The following TES variants were observed in gnomAD, a reference collection of about 807,000 sequenced individuals.
The protein encoded by TES is testin LIM domain protein, also known as testin.
Under a neutral mutation model 48.2 loss-of-function variants are expected in TES, and 41 were observed. That is an observed-to-expected ratio of 0.85 (90% CI 0.66 to 1.10). The LOEUF is 1.10. TES is among the 50% of genes least tolerant of loss of function. The pLI, the probability that TES is intolerant of heterozygous loss-of-function variation, is 0.00. For synonymous variants in TES, 162 were observed against 174.9 expected, an observed-to-expected ratio of 0.93 and a Z score of 0.58; for missense variants, 463 against 515.1, an observed-to-expected ratio of 0.90 and a Z score of 0.98.
chr7:116,248,733 G>C (rs1290472687), intron 2 of TES, among the ~76,000 whole-genome samples: 2 of 152,064 alleles, frequency 1.3e-5, no homozygotes, highest in Non-Finnish European at 2.9e-5. Context: ...TAGGTTGTCT[G>C]TTTGTCCTGT....
intron 1 of TES, among the ~76,000 whole-genome samples, chr7:116,215,302 A>G (rs1799481757): frequency 6.6e-6 from 1 of 152,182 alleles, no homozygotes; most frequent in South Asian, 2.1e-4. Flanking sequence ...TAAAAAGAGA[A>G]ATAAAATAAG....
chr7:116,229,677 G>T (rs142986498), intron 1 of TES, among the ~76,000 whole-genome samples: 1 of 152,252 alleles, frequency 6.6e-6, no homozygotes, highest in Non-Finnish European at 1.5e-5. Flanking sequence ...ACTTATGAAG[G>T]GGAGAATAGC....
Position 116,240,408 on chromosome 7 carries a change from CT to C in TES, c.113+5793del, listed in dbSNP as rs1263545431. The stretch of plus-strand genomic sequence containing the variant: ...ATATGTTTATTTGTCTGAGGCAATA[CT>C]TTTGGTAGTTTTGTTCTTGCATTCG... On this transcript the variant is annotated intron_variant, in intron 2 of 6. Coordinates refer to ENST00000358204, the MANE Select transcript of TES (RefSeq NM_015641.4). Among the ~76,000 whole-genome samples, 4 of 152,028 alleles carry C rather than the reference CT, an allele frequency of 2.6e-5. No homozygotes were observed. The East Asian group carries it at 7.7e-4, about 29-fold the overall frequency.
chr7:116,228,384 G>A (rs982514164), intron 1 of TES, among the ~76,000 whole-genome samples: 2 of 152,068 alleles, frequency 1.3e-5, no homozygotes, highest in African/African-American at 4.8e-5. Context: ...TTTCTTGGAC[G>A]CTGAAGAAGA....
At chr7:116,245,312 C>T (rs1799907549) in intron 2 of TES, among the ~76,000 whole-genome samples, 1 of 152,156 alleles carries the variant, frequency 6.6e-6, no homozygotes, top group African/African-American at 2.4e-5. Context: ...CAACCTAAAT[C>T]ATCTCTCTCA....
At chr7:116,224,212 A>C (rs1040731597) in intron 1 of TES, among the ~76,000 whole-genome samples, 4 of 152,162 alleles carry the variant, frequency 2.6e-5, no homozygotes, top group Non-Finnish European at 4.4e-5. Flanking sequence ...GCAAACTTGT[A>C]AGAGACCGTA....
chr7:116,213,678 G>C (rs953967403), intron 1 of TES, among the ~76,000 whole-genome samples: 5 of 152,204 alleles, frequency 3.3e-5, no homozygotes, highest in Non-Finnish European at 7.3e-5. Context: ...TGAAGAAAGC[G>C]AGCTGTTGCT....
chr7:116,236,540 T>A (rs536084961), intron 2 of TES, among the ~76,000 whole-genome samples: 3 of 152,276 alleles, frequency 2.0e-5, no homozygotes, highest in South Asian at 4.1e-4. Context: ...TTAAAAAAAA[T>A]TTGAAATCTG....
At chr7:116,229,012 A>ATC (rs1799661178) in intron 1 of TES, among the ~76,000 whole-genome samples, 1 of 137,918 alleles carries the variant, frequency 7.3e-6, no homozygotes, top group African/African-American at 2.8e-5. Context: ...ATATATATAT[A>ATC]TATATATATA....
Position 116,257,496 on chromosome 7 carries a change from A to G in TES, c.*14A>G. ...AGGATGTCTTAGGAGGAGGGCACCC[A>G]GAAGTATCGAGCCATAGCTATCCAA... On this transcript the variant is annotated 3_prime_UTR_variant, in exon 7 of 7. Coordinates refer to ENST00000358204, the MANE Select transcript of TES (RefSeq NM_015641.4). 6.3e-7 allele frequency: 1 copy of G among 1,588,564 alleles called. No individual in the cohort carries two copies. Among genetic ancestry groups the G allele is most frequent in the East Asian group, 2.3e-5 (1 of 44,112 alleles).
At chr7:116,236,567 T>C (rs963970508) in intron 2 of TES, among the ~76,000 whole-genome samples, 2 of 152,198 alleles carry the variant, frequency 1.3e-5, no homozygotes, top group Non-Finnish European at 2.9e-5. Context: ...TTCTGTTTTA[T>C]TTTACTTGTG....
intron 1 of TES, among the ~76,000 whole-genome samples, chr7:116,223,492 A>G (rs1368981609): frequency 2.0e-5 from 3 of 152,178 alleles, no homozygotes; most frequent in African/African-American, 4.8e-5. Flanking sequence ...TCTCCCAAGT[A>G]TATTTGGTAT....
At chr7:116,248,286 G>A (rs1005743466) in intron 2 of TES, among the ~76,000 whole-genome samples, 2 of 152,100 alleles carry the variant, frequency 1.3e-5, no homozygotes, top group African/African-American at 4.8e-5. Context: ...AAACATACGG[G>A]TGCATTGTCC....
At chr7:116,211,599 G>T (rs931282899) in intron 1 of TES, 10 of 152,210 alleles carry the variant, frequency 6.6e-5, no homozygotes, top group Non-Finnish European at 1.3e-4. Context: ...AGTTCTCCTC[G>T]TTCCAGGGGA....
chr7:116,210,881 C>T, intron 1 of TES, 147 bp downstream of exon 1: 2 of 638,036 alleles, frequency 3.1e-6, no homozygotes, highest in Non-Finnish European at 4.5e-6. Flanking sequence ...GGCCCAGGGA[C>T]CTGGCCCCCT....
rs1038027008 is a variant in TES, at chr7:116,251,740, C to T, written c.703-20C>T. 5 of 1,605,214 alleles carry T rather than the reference C, an allele frequency of 3.1e-6. No individual in the cohort carries two copies. The highest frequency in any genetic ancestry group is 3.4e-6 in the Non-Finnish European group (4 of 1,172,320). ...GCAGTCTTCTAATGACTAGGTTGTTCTGGATGGCTTCCCTTTCAGTCCTGC... is the reference window on the plus strand; with the variant it reads ...GCAGTCTTCTAATGACTAGGTTGTTTTGGATGGCTTCCCTTTCAGTCCTGC... On this transcript the variant is annotated intron_variant, in intron 4 of 6. Transcript: ENST00000358204.
chr7:116,253,559 G>C (rs1293488180), intron 6 of TES, among the ~76,000 whole-genome samples: 1 of 152,112 alleles, frequency 6.6e-6, no homozygotes, highest in East Asian at 1.9e-4. Context: ...ACTTTTGATA[G>C]ATCTGGCCCC....
rs541443813 is a variant in TES at position 116,230,212 on chromosome 7, G to A, written c.28-4322G>A. Reference sequence around the variant, plus strand: ...GTAGGAGAAAGTGTATCATATTGCCGTGACCCATTCCACTCTCTTTCACTT... The same window carrying A: ...GTAGGAGAAAGTGTATCATATTGCCATGACCCATTCCACTCTCTTTCACTT... On this transcript the variant is annotated intron_variant, in intron 1 of 6. Transcript: ENST00000358204. 3.3e-5 allele frequency among the ~76,000 whole-genome samples: 5 copies of A among 152,218 alleles called. No individual in the cohort carries two copies. In the East Asian group the frequency reaches 7.7e-4, roughly 23 times the overall value.
chr7:116,238,088 C>G (rs1308505914), intron 2 of TES: 1 of 152,216 alleles, frequency 6.6e-6, no homozygotes, highest in Non-Finnish European at 1.5e-5. Context: ...GAATCATTTT[C>G]CTTTTTATCA....
Sources: gnomAD v4.1 joint callset for allele counts (sites outside exome capture counted in the v4.1 genomes callset) on GRCh38, gnomAD v4.1.1 for gene constraint, MANE v1.5 for transcripts, NCBI Gene and HGNC (gene_info 2026-07-23, HGNC 2026-07-21) for gene names.